Variants in ZNF385D observed in about 807,000 individuals in gnomAD.
ZNF385D encodes the protein zinc finger protein 385D.
ZNF385D carries 15 observed loss-of-function variants against 35.8 expected under a neutral mutation model. The ratio of observed to expected loss-of-function variants is 0.42; its 90% CI spans 0.28 to 0.64. ZNF385D has a LOEUF of 0.64. Ranked by LOEUF, ZNF385D falls within the 30% of genes least tolerant of loss-of-function variation. ZNF385D has a pLI of 0.23. For synonymous variants in ZNF385D, 212 were observed against 186.8 expected (o/e 1.13, Z -1.10); for missense variants, 474 against 494.6 (o/e 0.96, Z 0.39).
intron 4 of ZNF385D, among the ~76,000 whole-genome samples, chr3:21,466,394 C>T (rs1473546452): frequency 6.6e-6 from 1 of 152,106 alleles, no homozygotes; most frequent in Non-Finnish European, 1.5e-5. Flanking sequence ...TGTTACTTTG[C>T]CTTTAGCATG....
intron 1 of ZNF385D, among the ~76,000 whole-genome samples, chr3:21,667,430 G>A (rs551624345): frequency 8.7e-4 from 132 of 152,274 alleles, no homozygotes; most frequent in African/African-American, 3.1e-3. Context: ...CCAAAGTGCT[G>A]GGATTACAGG....
intron 3 of ZNF385D, among the ~76,000 whole-genome samples, chr3:22,036,708 GGTTTT>G (rs1019607851): frequency 2.8e-5 from 4 of 143,680 alleles, no homozygotes; most frequent in East Asian, 2.0e-4. Flanking sequence ...AGCCCTACTA[GGTTTT>G]TTTTTTTTTT....
chr3:21,653,075 C>T (rs2065965563), intron 2 of ZNF385D, among the ~76,000 whole-genome samples: 1 of 151,918 alleles, frequency 6.6e-6, no homozygotes, highest in African/African-American at 2.4e-5. Flanking sequence ...TTCAATCTCC[C>T]TCTCTCTCTC....
intron 1 of ZNF385D, among the ~76,000 whole-genome samples, chr3:21,745,636 T>C (rs2069732488): frequency 6.6e-6 from 1 of 152,204 alleles, no homozygotes; most frequent in Non-Finnish European, 1.5e-5. Flanking sequence ...AACTAATCTT[T>C]TTGGGAAATG....
chr3:22,291,376 ATT>A (rs1305076445), intron 2 of ZNF385D, among the ~76,000 whole-genome samples: 2 of 152,126 alleles, frequency 1.3e-5, no homozygotes, highest in Non-Finnish European at 2.9e-5. Context: ...TTAAAAAATC[ATT>A]TGAGTCCTAC....
intron 3 of ZNF385D, among the ~76,000 whole-genome samples, chr3:21,791,763 T>G (rs183938148): frequency 1.3e-5 from 2 of 152,304 alleles, no homozygotes; most frequent in East Asian, 3.9e-4. Flanking sequence ...TGAGATGGCA[T>G]CTCACTCTGT....
At chr3:21,835,516 T>C (rs1695275632) in intron 3 of ZNF385D, among the ~76,000 whole-genome samples, 1 of 107,326 alleles carries the variant, frequency 9.3e-6, no homozygotes, top group Non-Finnish European at 1.9e-5. Context: ...AAAGTGATAC[T>C]ACTTAAAAAA....
At chr3:21,849,477 G>A (rs1326077754) in intron 3 of ZNF385D, among the ~76,000 whole-genome samples, 1 of 151,198 alleles carries the variant, frequency 6.6e-6, no homozygotes, top group African/African-American at 2.4e-5. Flanking sequence ...TTAATTAAAA[G>A]AATAAAATAT....
At chr3:21,837,242 C>CATCA (rs1270077211) in intron 3 of ZNF385D, among the ~76,000 whole-genome samples, 1 of 152,082 alleles carries the variant, frequency 6.6e-6, no homozygotes, top group Non-Finnish European at 1.5e-5. Context: ...TTCTTTCAGT[C>CATCA]ATCAGTCCAT....
chr3:21,992,238 T>C (rs1253940070), intron 3 of ZNF385D, among the ~76,000 whole-genome samples: 1 of 151,876 alleles, frequency 6.6e-6, no homozygotes, highest in East Asian at 1.9e-4. Context: ...CCAGTAGAAG[T>C]CAAAGATCAG....
chr3:21,816,934 T>C (rs1419241014), intron 3 of ZNF385D, among the ~76,000 whole-genome samples: 2 of 152,046 alleles, frequency 1.3e-5, no homozygotes, highest in South Asian at 2.1e-4. Context: ...CTTCAAACTA[T>C]AGTACAAGGC....
Position 22,128,847 on chromosome 3 carries a change from A to C in ZNF385D, c.325+39970T>G, listed in dbSNP as rs897338786. Among the ~76,000 whole-genome samples the C allele has an allele frequency of 2.6e-5, 4 of 152,152 alleles. No homozygotes were observed. The South Asian group carries it at 8.3e-4, about 32-fold the overall frequency. ...GAGCTTCCTCAAAACAGCTATTTTG[A>C]ATGCTGAAAGGTCACATTTCTTGTC... On this transcript the variant is annotated intron_variant, in intron 3 of 5. Coordinates refer to the ZNF385D transcript ENST00000494108.
chr3:22,008,360 C>CATTTTTCATTTT (rs773952386), intron 3 of ZNF385D, among the ~76,000 whole-genome samples: 1 of 131,938 alleles, frequency 7.6e-6, no homozygotes, highest in Non-Finnish European at 1.6e-5. Flanking sequence ...CCATGATTTT[C>CATTTTTCATTTT]TTTTTTTTTT....
At chr3:21,429,170 A>G (rs1029430247) in intron 5 of ZNF385D, among the ~76,000 whole-genome samples, 2 of 151,856 alleles carry the variant, frequency 1.3e-5, no homozygotes, top group African/African-American at 4.8e-5. Flanking sequence ...CATACATTAG[A>G]AATAATTTAT....
At chr3:22,090,906 C>G (rs990784250) in intron 3 of ZNF385D, among the ~76,000 whole-genome samples, 13 of 152,068 alleles carry the variant, frequency 8.5e-5, no homozygotes, top group African/African-American at 3.1e-4. Flanking sequence ...TCTTATGACC[C>G]AAACTAACTA....
At chr3:22,301,271 A>G (rs1021889628) in intron 2 of ZNF385D, among the ~76,000 whole-genome samples, 8 of 151,976 alleles carry the variant, frequency 5.3e-5, no homozygotes, top group Admixed American at 1.3e-4. Context: ...GGTTACAAGG[A>G]TTGGAGTTTG....
At chr3:22,181,984 G>T (rs76831680) in intron 2 of ZNF385D, among the ~76,000 whole-genome samples, 1 of 152,076 alleles carries the variant, frequency 6.6e-6, no homozygotes. Context: ...GCTGAATGCC[G>T]CAAACAAACA....
chr3:21,511,713 T>C (rs374013409), intron 3 of ZNF385D: 22 of 456,628 alleles, frequency 4.8e-5, no homozygotes, highest in Middle Eastern at 3.3e-4. Context: ...TCCAGTGTGT[T>C]TGTACTACCT....
chr3:22,351,075 T>C (rs577725131), intron 2 of ZNF385D, among the ~76,000 whole-genome samples: 64 of 152,226 alleles, frequency 4.2e-4, no homozygotes, highest in African/African-American at 1.5e-3. Flanking sequence ...ACAATTCACA[T>C]TGGTTCTTAC....
Sources: allele counts gnomAD v4.1 joint callset (sites outside exome capture counted in the v4.1 genomes callset), GRCh38; gene constraint gnomAD v4.1.1; transcripts MANE v1.5; gene names NCBI Gene and HGNC (gene_info 2026-07-23, HGNC 2026-07-21).